The following PALB2 variants were observed in gnomAD, a reference collection of about 807,000 sequenced individuals.
The protein encoded by PALB2 is mutant partner and localizer of BRCA2.
Under a neutral mutation model 107.4 loss-of-function variants are expected in PALB2, and 82 were observed. The ratio of observed to expected loss-of-function variants is 0.76; its 90% CI spans 0.64 to 0.92. The LOEUF is 0.92. PALB2 is among the 40% of genes least tolerant of loss of function. The pLI is 0.00. For missense variants in PALB2, 1,374 were observed against 1,379.9 expected (o/e 1.00, Z 0.07); for synonymous variants, 489 against 496.8 (o/e 0.98, Z 0.21).
rs749078410 is a variant in PALB2, at chr16:23,636,076, G to A, written c.470C>T (p.Ser157Leu). The A allele has an allele frequency of 6.2e-6, 10 of 1,613,882 alleles. No individual in the cohort carries two copies. Among genetic ancestry groups the A allele is most frequent in the Non-Finnish European group, 8.5e-6 (10 of 1,180,004 alleles). ...GCCAAAGACACAGTCTCTCTCCTGT[G>A]AAATAAATGTCCTCTTCTGCTGCTT... The part of the protein sequence containing the change: ...RKKQQKRTFI[S>L]QERDCVFGTD... The change falls in exon 4 of 13, where the codon TCA (serine) becomes TTA (leucine). Residue 157 changes from serine to leucine, a missense_variant. By Grantham distance (145) the Ser-to-Leu change is moderately radical. Coordinates refer to ENST00000261584, the MANE Select transcript of PALB2 (RefSeq NM_024675.4).
At chr16:23,619,691 A>T (rs1256392760) in intron 10 of PALB2, among the ~76,000 whole-genome samples, 1 of 152,190 alleles carries the variant, frequency 6.6e-6, no homozygotes, top group African/African-American at 2.4e-5. Flanking sequence ...AATATTTTTT[A>T]AAAAGGAATT....
In PALB2 at chr16:23,635,500, T is replaced by G. The variant is rs1567221740; in HGVS notation, c.1046A>C (p.Asn349Thr). ...ANENQNLKEQNQTEKSLKSPS... is the reference protein window; with the variant it reads ...ANENQNLKEQTQTEKSLKSPS... The stretch of plus-strand genomic sequence containing the variant: ...AGATTTTAAAGATTTCTCTGTTTGA[T>G]TTTGTTCTTTTAAGTTTTGGTTTTC... Residue 349 changes from asparagine (N) to threonine (T), a missense_variant, in exon 4 of 13, where the codon AAT becomes ACT. Transcript: ENST00000261584. 1.2e-6 allele frequency: 2 copies of G among 1,614,022 alleles called. No homozygotes were observed. Among genetic ancestry groups the G allele is most frequent in the Non-Finnish European group, 1.7e-6 (2 of 1,179,962 alleles).
In PALB2 at chr16:23,614,799, C is replaced by T. The variant is rs1317438546; in HGVS notation, c.3114-708G>A. On this transcript the variant is annotated intron_variant, in intron 10 of 12. Coordinates refer to ENST00000261584, the MANE Select transcript of PALB2 (RefSeq NM_024675.4). Reference sequence around the variant, plus strand: ...CCGAGTAGCTGGGACTACAGGCGCCCGCCACTACGCCCGGCTAATTTTTTG... The same window carrying T: ...CCGAGTAGCTGGGACTACAGGCGCCTGCCACTACGCCCGGCTAATTTTTTG... Among the ~76,000 whole-genome samples, 27 of 150,434 alleles carry T rather than the reference C, an allele frequency of 1.8e-4. No homozygotes were observed. The Middle Eastern group carries it at 0.01, about 57-fold the overall frequency.
chr16:23,614,592 A>G (rs1272581894), intron 10 of PALB2, among the ~76,000 whole-genome samples: 1 of 149,718 alleles, frequency 6.7e-6, no homozygotes, highest in Non-Finnish European at 1.5e-5. Flanking sequence ...GTAGGAAGAG[A>G]GGGGTGAATA....
In PALB2 at chr16:23,635,314, C is replaced by G. The variant is rs926278722; in HGVS notation, c.1232G>C (p.Arg411Thr). Residue 411 changes from arginine to threonine, a missense_variant, in exon 4 of 13, where the codon AGA (arginine) becomes ACA (threonine). Physicochemically the swap from Arg to Thr is moderately conservative, Grantham distance 71. Coordinates refer to ENST00000261584, the MANE Select transcript of PALB2 (RefSeq NM_024675.4). ...GLLFPAEYYV[R>T]TTRSMSNCQR... is the part of the protein sequence containing the mutation. ...GCAATTGGACATGCTTCGTGTTGTT[C>G]TAACATAATATTCTGCAGGAAACAG... The G allele has an allele frequency of 6.2e-7, 1 of 1,614,040 alleles. No individual in the cohort carries two copies. Among genetic ancestry groups the G allele is most frequent in the South Asian group, 1.1e-5 (1 of 91,082 alleles).
In PALB2 at chr16:23,603,784, A is replaced by T. The variant is rs188943313; in HGVS notation, c.3351-115T>A. 90 of 880,918 alleles carry T rather than the reference A, an allele frequency of 1.0e-4. No individual in the cohort carries two copies. In the East Asian group the frequency reaches 2.3e-3, roughly 23 times the overall value. 54.6% of individuals were successfully genotyped at this position (880,918 alleles called of 1,614,324 possible). A position where few individuals can be genotyped will look rare whatever the true frequency, so the allele number is the denominator to read the frequency against. On this transcript the variant is annotated intron_variant, in intron 12 of 12. Transcript: ENST00000261584. Reference sequence around the variant, plus strand: ...CAGCAACAGGAACAAAAATCCCTGTAACTATGAATGCCTACATTTGTAGCC... The same window carrying T: ...CAGCAACAGGAACAAAAATCCCTGTTACTATGAATGCCTACATTTGTAGCC...
At chr16:23,608,189 TA>T (rs1966517068) in intron 11 of PALB2, among the ~76,000 whole-genome samples, 177 bp from the exon 12 acceptor site, 1 of 152,084 alleles carries the variant, frequency 6.6e-6, no homozygotes, top group Non-Finnish European at 1.5e-5. Flanking sequence ...CTGTTGAGAT[TA>T]TTACTGGACT....
intron 11 of PALB2, among the ~76,000 whole-genome samples, chr16:23,611,012 C>T (rs537567226): frequency 4.6e-5 from 7 of 152,128 alleles, no homozygotes; most frequent in African/African-American, 7.2e-5. Context: ...GTACTCCAGC[C>T]TGGGTGACAG....
chr16:23,623,219 T>C, intron 8 of PALB2, 89 bp from the exon 9 acceptor site: 2 of 1,129,984 alleles, frequency 1.8e-6, no homozygotes, highest in Non-Finnish European at 2.5e-6. Context: ...TTTTTTTTTT[T>C]TTGAGACAGA....
In PALB2 at chr16:23,635,705, T is replaced by C. The variant is rs751882053; in HGVS notation, c.841A>G (p.Ile281Val). ...AAACTTACAGGTGAAGTAAATCTAATGTTTTTTAGGTCGTGAGTAGTAAGT... is the reference window on the plus strand; with the variant it reads ...AAACTTACAGGTGAAGTAAATCTAACGTTTTTTAGGTCGTGAGTAGTAAGT... ...SELTTHDLKN[I>V]RFTSPVSLEA... Residue 281 changes from isoleucine (I) to valine (V), a missense_variant, in exon 4 of 13, where the codon ATT becomes GTT. Coordinates refer to ENST00000261584, the MANE Select transcript of PALB2 (RefSeq NM_024675.4). The C allele has an allele frequency of 6.2e-7, 1 of 1,614,186 alleles. No individual in the cohort carries two copies. Among genetic ancestry groups the C allele is most frequent in the Non-Finnish European group, 8.5e-7 (1 of 1,180,022 alleles).
intron 12 of PALB2, 118 bp downstream of exon 12, chr16:23,607,746 G>A: frequency 3.3e-6 from 4 of 1,211,880 alleles, no homozygotes; most frequent in Non-Finnish European, 4.9e-6. Flanking sequence ...TTCCTATCAT[G>A]ATATATAGTA....
Position 23,630,113 on chromosome 16 carries a change from T to G in PALB2, c.2041A>C (p.Lys681Gln). The change falls in exon 5 of 13, where the codon AAA becomes CAA. Residue 681 changes from lysine to glutamine, a missense_variant. By Grantham distance (53) the Lys-to-Gln change is moderately conservative. Transcript: ENST00000261584. ...LEEDLIVLPG[K>Q]SHPKRPNSQS... ...GAGTTTGGCCTTTTGGGATGTGATT[T>G]TCCTGGTAGAACAATAAGGTCCTCT... The G allele has an allele frequency of 6.2e-7, 1 of 1,614,176 alleles. No individual in the cohort carries two copies. Among genetic ancestry groups the G allele is most frequent in the Non-Finnish European group, 8.5e-7 (1 of 1,180,026 alleles).
chr16:23,615,231 G>A (rs910351113), intron 10 of PALB2, among the ~76,000 whole-genome samples: 3 of 151,986 alleles, frequency 2.0e-5, no homozygotes, highest in East Asian at 1.9e-4. Context: ...TTACAGGCAC[G>A]AGCCACTGCA....
At chr16:23,623,183 T>C in intron 8 of PALB2, 53 bp from the exon 9 acceptor site, 1 of 1,443,500 alleles carries the variant, frequency 6.9e-7, no homozygotes, top group Non-Finnish European at 9.6e-7. Flanking sequence ...CCTTTTAATA[T>C]TAAAGGACTA....
intron 12 of PALB2, among the ~76,000 whole-genome samples, chr16:23,604,957 C>T (rs1966440627): frequency 6.6e-6 from 1 of 151,900 alleles, no homozygotes; most frequent in Non-Finnish European, 1.5e-5. Context: ...GCCTGTAATC[C>T]CAGCTACTAG....
At position 23,629,778 on chromosome 16, in the gene PALB2, T is replaced by G; in HGVS notation, c.2376A>C (p.Ser792=). The G allele has an allele frequency of 6.2e-7, 1 of 1,614,220 alleles. No individual in the cohort carries two copies. The highest frequency in any genetic ancestry group is 8.5e-7 in the Non-Finnish European group (1 of 1,180,036). The change falls in exon 5 of 13, where the codon TCA becomes TCC. Residue 792 remains serine (S), a synonymous_variant. Transcript: ENST00000261584. ...CACAGGTAGGTTGTCCTTGCCTGCC[T>G]GACACTTGCAGGGTGGTATGTGGTT... The part of the protein sequence containing the change: ...PAKPHTTLQV[S]GRQGQPTCDC...
At chr16:23,615,713 G>A (rs547020562) in intron 10 of PALB2, among the ~76,000 whole-genome samples, 1 of 151,882 alleles carries the variant, frequency 6.6e-6, no homozygotes, top group East Asian at 1.9e-4. Flanking sequence ...TGCCTAGGCT[G>A]GAGTGCAATG....
intron 8 of PALB2, 64 bp downstream of exon 8, chr16:23,623,945 C>T: frequency 8.5e-7 from 1 of 1,179,260 alleles, no homozygotes; most frequent in African/African-American, 1.5e-5. Context: ...ATTACCTGCA[C>T]TTAAAACCAG....
At chr16:23,638,614 A>C (rs1967125174) in intron 1 of PALB2, 1 of 452,664 alleles carries the variant, frequency 2.2e-6, no homozygotes, top group Non-Finnish European at 4.4e-6. Flanking sequence ...ATTGATACCC[A>C]CTATGTGTCA....
Sources: allele counts gnomAD v4.1 joint callset (sites outside exome capture counted in the v4.1 genomes callset), GRCh38; gene constraint gnomAD v4.1.1; transcripts MANE v1.5; gene names NCBI Gene and HGNC (gene_info 2026-07-23, HGNC 2026-07-21).